The following NELL1 variants were observed in gnomAD, a reference collection of about 807,000 sequenced individuals.
The protein encoded by NELL1 is neural EGFL like 1, also known as protein kinase C-binding protein NELL1.
Under a neutral mutation model 107.4 loss-of-function variants are expected in NELL1, and 76 were observed. The observed-to-expected ratio is 0.71, with a 90% CI of 0.59 to 0.86. The LOEUF is 0.86. NELL1 is among the 40% of genes least tolerant of loss of function. NELL1 has a pLI of 0.00. For missense variants in NELL1, 1,024 were observed against 1,005.5 expected, an observed-to-expected ratio of 1.02 and a Z score of -0.25; for synonymous variants, 353 against 341.2, an observed-to-expected ratio of 1.03 and a Z score of -0.38.
chr11:20,689,425 T>G (rs886667141), intron 2 of NELL1, among the ~76,000 whole-genome samples: 1 of 116,942 alleles, frequency 8.6e-6, no homozygotes, highest in Non-Finnish European at 1.8e-5. Context: ...CCTAATGCTA[T>G]CCCTCCCCCC....
chr11:21,158,439 G>A (rs570485949), intron 13 of NELL1, among the ~76,000 whole-genome samples: 166 of 152,246 alleles, frequency 1.1e-3, no homozygotes, highest in African/African-American at 3.9e-3. Context: ...GATTAATTTC[G>A]TACTTAAAAT....
intron 13 of NELL1, among the ~76,000 whole-genome samples, chr11:21,210,994 T>C (rs1857486360): frequency 6.6e-6 from 1 of 152,154 alleles, no homozygotes; most frequent in Non-Finnish European, 1.5e-5. Flanking sequence ...TAAAGGGGTA[T>C]TTGTATTAGG....
intron 14 of NELL1, among the ~76,000 whole-genome samples, chr11:21,312,100 C>A (rs117402549): frequency 0.016 from 2,428 of 152,220 alleles, 27 homozygotes; most frequent in Non-Finnish European, 0.025. Flanking sequence ...TCCCAGCCTC[C>A]AGAGAATTCA....
chr11:21,172,405 T>C (rs1037775687), intron 13 of NELL1, among the ~76,000 whole-genome samples: 3 of 151,882 alleles, frequency 2.0e-5, no homozygotes, highest in Admixed American at 6.6e-5. Flanking sequence ...GCCCAAGGTC[T>C]AGTGAAATGT....
chr11:21,094,203 TC>T lies in NELL1; in HGVS notation c.1301-19385del, dbSNP rs534042119. On this transcript the variant is annotated intron_variant, in intron 12 of 19. Coordinates refer to ENST00000357134, the MANE Select transcript of NELL1 (RefSeq NM_006157.5). Reference sequence around the variant, plus strand: ...GGAAGTCTGAAATTCATCAGGGCAGTCAAATCTTAAAATTCCAAAGTGATCT... The same window carrying T: ...GGAAGTCTGAAATTCATCAGGGCAGTAAATCTTAAAATTCCAAAGTGATCT... Among the ~76,000 whole-genome samples the T allele has an allele frequency of 2.0e-4, 30 of 152,274 alleles. 1 individual carries two copies. The South Asian group carries it at 6.2e-3, about 32-fold the overall frequency.
At chr11:20,951,965 G>T (rs978551523) in intron 11 of NELL1, among the ~76,000 whole-genome samples, 2 of 151,978 alleles carry the variant, frequency 1.3e-5, no homozygotes, top group African/African-American at 4.8e-5. Context: ...TAACATCTGG[G>T]CTCCTGCCTG....
intron 12 of NELL1, among the ~76,000 whole-genome samples, chr11:20,969,607 A>C (rs1489910468): frequency 2.0e-5 from 3 of 151,908 alleles, no homozygotes; most frequent in African/African-American, 7.3e-5. Flanking sequence ...CTGTTTTCTA[A>C]CATTTTTCTT....
At chr11:21,078,042 AC>A in intron 12 of NELL1, among the ~76,000 whole-genome samples, 1 of 152,266 alleles carries the variant, frequency 6.6e-6, no homozygotes, top group South Asian at 2.1e-4. Flanking sequence ...AGAGTGTTAC[AC>A]CTAATTACGT....
At chr11:21,060,608 C>G (rs1219200623) in intron 12 of NELL1, among the ~76,000 whole-genome samples, 1 of 152,100 alleles carries the variant, frequency 6.6e-6, no homozygotes, top group African/African-American at 2.4e-5. Context: ...AAGTAGAGTA[C>G]AAAAGAAGAA....
chr11:21,540,261 C>A (rs10833561), intron 16 of NELL1, among the ~76,000 whole-genome samples: 76,328 of 151,760 alleles, frequency 0.5, 20,015 homozygotes, highest in Non-Finnish European at 0.58. Flanking sequence ...CTACTCTGCT[C>A]TCAAACATTG....
intron 7 of NELL1, among the ~76,000 whole-genome samples, chr11:20,925,455 T>C (rs1489153670): frequency 6.8e-6 from 1 of 146,102 alleles, no homozygotes; most frequent in African/African-American, 2.5e-5. Flanking sequence ...TTTTTTTTTT[T>C]TTGTATTTGT....
intron 4 of NELL1, among the ~76,000 whole-genome samples, chr11:20,859,344 A>G (rs757593348): frequency 1.2e-4 from 18 of 152,212 alleles, no homozygotes; most frequent in Non-Finnish European, 2.5e-4. Flanking sequence ...TTAGATTCAA[A>G]GACTCCCTCT....
intron 15 of NELL1, among the ~76,000 whole-genome samples, chr11:21,440,164 T>C (rs1406893785): frequency 1.3e-5 from 2 of 152,164 alleles, no homozygotes; most frequent in African/African-American, 4.8e-5. Context: ...AAAAAGCTTC[T>C]TATAGTAGAT....
chr11:20,887,436 G>C (rs1248932296), intron 5 of NELL1, among the ~76,000 whole-genome samples: 2 of 152,200 alleles, frequency 1.3e-5, no homozygotes, highest in East Asian at 3.8e-4. Flanking sequence ...TTTCAAAGCA[G>C]CTGTGCCAGT....
intron 3 of NELL1, 47 bp from the exon 4 acceptor site, chr11:20,847,536 G>A: frequency 6.4e-7 from 1 of 1,572,942 alleles, no homozygotes; most frequent in Non-Finnish European, 8.7e-7. Flanking sequence ...TGATGGCTGT[G>A]ATATCCAGAA....
At chr11:20,771,561 C>T (rs1415199041) in intron 2 of NELL1, among the ~76,000 whole-genome samples, 1 of 152,068 alleles carries the variant, frequency 6.6e-6, no homozygotes, top group African/African-American at 2.4e-5. Flanking sequence ...GACGGGGAAG[C>T]CTAGATTCCT....
At chr11:21,462,213 C>T (rs367649885) in intron 15 of NELL1, among the ~76,000 whole-genome samples, 2 of 152,030 alleles carry the variant, frequency 1.3e-5, no homozygotes, top group African/African-American at 4.8e-5. Context: ...TAAAGAAGAG[C>T]ATACTAGGCC....
intron 2 of NELL1, among the ~76,000 whole-genome samples, chr11:20,751,973 G>A (rs1856151048): frequency 6.6e-6 from 1 of 151,860 alleles, no homozygotes; most frequent in African/African-American, 2.4e-5. Context: ...TTTTTAATGT[G>A]GCAGATTCTA....
At chr11:21,307,723 A>G (rs1399445452) in intron 14 of NELL1, among the ~76,000 whole-genome samples, 1 of 151,964 alleles carries the variant, frequency 6.6e-6, no homozygotes, top group East Asian at 1.9e-4. Flanking sequence ...ACATCTCCCT[A>G]GCTTTATTCT....
Sources: allele counts gnomAD v4.1 joint callset (sites outside exome capture counted in the v4.1 genomes callset), GRCh38; gene constraint gnomAD v4.1.1; transcripts MANE v1.5; gene names NCBI Gene and HGNC (gene_info 2026-07-23, HGNC 2026-07-21).